The following UBE3C variants were observed in gnomAD, a reference collection of about 807,000 sequenced individuals.
The protein encoded by UBE3C is ubiquitin protein ligase E3C.
UBE3C carries 42 observed loss-of-function variants against 129.4 expected under a neutral mutation model. That is an observed-to-expected ratio of 0.32 (90% CI 0.25 to 0.42). The LOEUF (loss-of-function observed/expected upper bound fraction) is 0.42. UBE3C is among the 10% of genes least tolerant of loss of function. The pLI, the probability that UBE3C is intolerant of heterozygous loss-of-function variation, is 1.00. For synonymous variants in UBE3C, 510 were observed against 492.4 expected (o/e 1.04, Z -0.47); for missense variants, 1,049 against 1,319.1 (o/e 0.80, Z 3.17).
chr7:157,267,856 C>G lies in UBE3C; in HGVS notation c.*101C>G. On this transcript the variant is annotated 3_prime_UTR_variant, in exon 23 of 23. Transcript: ENST00000348165. ...ATACTCACACTGCACGCCTGAGGCT[C>G]TCCTAAGCTCCTTCTTTCATTCTGC... is the stretch of plus-strand genomic sequence containing the variant. 1 of 967,446 alleles carries G rather than the reference C, an allele frequency of 1.0e-6. No homozygotes were observed. Among genetic ancestry groups the G allele is most frequent in the Non-Finnish European group, 1.5e-6 (1 of 683,714 alleles). The allele number at this position is 967,446 out of a possible 1,614,324, so 59.9% of individuals were successfully genotyped here. A position where few individuals can be genotyped will look rare whatever the true frequency, so the allele number is the denominator to read the frequency against.
At chr7:157,216,352 GTTTTT>G (rs11373650) in intron 13 of UBE3C, among the ~76,000 whole-genome samples, 2 of 145,068 alleles carry the variant, frequency 1.4e-5, no homozygotes, top group Admixed American at 1.4e-4. Context: ...AGATTCGTGG[GTTTTT>G]TTTTTTTTAA....
At chr7:157,183,846 TA>T in intron 8 of UBE3C, 31 bp from the exon 9 acceptor site, 1 of 1,585,022 alleles carries the variant, frequency 6.3e-7, no homozygotes, top group Non-Finnish European at 8.6e-7. Flanking sequence ...AATGTTTAAC[TA>T]AAATACGTTT....
intron 1 of UBE3C, among the ~76,000 whole-genome samples, chr7:157,139,740 G>T (rs1807377953): frequency 6.6e-6 from 1 of 152,236 alleles, no homozygotes; most frequent in Non-Finnish European, 1.5e-5. Context: ...TACCCTTTCT[G>T]GGTGTTTCCT....
At chr7:157,176,900 A>G (rs138705497) in intron 5 of UBE3C, among the ~76,000 whole-genome samples, 175 of 152,346 alleles carry the variant, frequency 1.1e-3, no homozygotes, top group African/African-American at 4.0e-3. Flanking sequence ...ATTGTACTTC[A>G]AGTGTATGTT....
chr7:157,223,453 T>C, intron 16 of UBE3C, 102 bp downstream of exon 16: 1 of 972,954 alleles, frequency 1.0e-6, no homozygotes, highest in Non-Finnish European at 1.5e-6. Flanking sequence ...AGTGCCTGGC[T>C]GATTACATAA....
At chr7:157,266,756 A>G (rs1442860951) in intron 22 of UBE3C, among the ~76,000 whole-genome samples, 4 of 152,208 alleles carry the variant, frequency 2.6e-5, no homozygotes, top group Non-Finnish European at 5.9e-5. Flanking sequence ...ATTTTTATAG[A>G]CAGGGTCTCA....
At position 157,261,884 on chromosome 7, in the gene UBE3C, C is replaced by T. The variant is rs568507336; in HGVS notation, c.3081+4840C>T. Reference sequence around the variant, plus strand: ...TTCTCACTCTGAATTAATGCAAATTCCCGTTGTACTGTATTTAATTATGCA... The same window carrying T: ...TTCTCACTCTGAATTAATGCAAATTTCCGTTGTACTGTATTTAATTATGCA... On this transcript the variant is annotated intron_variant, in intron 22 of 22. Coordinates refer to ENST00000348165, the MANE Select transcript of UBE3C (RefSeq NM_014671.3). Among the ~76,000 whole-genome samples, 27 of 152,286 alleles carry T rather than the reference C, an allele frequency of 1.8e-4. 1 individual carries two copies. The South Asian group carries it at 5.6e-3, about 32-fold the overall frequency.
intron 2 of UBE3C, among the ~76,000 whole-genome samples, chr7:157,164,971 A>T (rs1441048215): frequency 2.6e-5 from 4 of 152,130 alleles, no homozygotes; most frequent in Non-Finnish European, 4.4e-5. Flanking sequence ...TTTTGAACAG[A>T]TAATTCTTTG....
At chr7:157,250,179 C>T (rs906180675) in intron 19 of UBE3C, among the ~76,000 whole-genome samples, 7 of 152,098 alleles carry the variant, frequency 4.6e-5, no homozygotes, top group Non-Finnish European at 8.8e-5. Flanking sequence ...GGAGCTCATA[C>T]ACTGTTCTGT....
At chr7:157,192,286 GTTTTC>G in intron 10 of UBE3C, 1 of 410,750 alleles carries the variant, frequency 2.4e-6, no homozygotes, top group South Asian at 2.2e-5. Flanking sequence ...CGTTTTTAAA[GTTTTC>G]TTTTAAGCTT....
At chr7:157,196,698 G>T (rs1361669447) in intron 10 of UBE3C, among the ~76,000 whole-genome samples, 6 of 152,198 alleles carry the variant, frequency 3.9e-5, no homozygotes, top group Admixed American at 3.3e-4. Flanking sequence ...GCCAGGTGCA[G>T]TGGCTCACGC....
chr7:157,201,636 G>GC (rs1241823741), intron 10 of UBE3C, 85 bp from the exon 11 acceptor site: 4 of 516,054 alleles, frequency 7.8e-6, no homozygotes, highest in African/African-American at 3.8e-5. Flanking sequence ...TCAGTGTATC[G>GC]CTTTTTTTTT....
chr7:157,244,463 A>G (rs984479166), intron 18 of UBE3C, among the ~76,000 whole-genome samples: 20 of 152,312 alleles, frequency 1.3e-4, no homozygotes, highest in African/African-American at 4.6e-4. Context: ...AAATAATTAA[A>G]ATTATCTGCT....
chr7:157,216,735 C>T (rs1795584939), intron 13 of UBE3C, 132 bp from the exon 14 acceptor site: 5 of 674,036 alleles, frequency 7.4e-6, no homozygotes, highest in Admixed American at 5.8e-5. Flanking sequence ...TTTCTGTGAG[C>T]GGGTTTGGTG....
rs540924636 is a variant in UBE3C, at chr7:157,267,899, C to T, written c.*144C>T. ...CATTCTGCCATTCCTCCCTCCCTTC[C>T]TTTTTTAAATGATTTTTATTACGGT... On this transcript the variant is annotated 3_prime_UTR_variant, in exon 23 of 23. Coordinates refer to ENST00000348165, the MANE Select transcript of UBE3C (RefSeq NM_014671.3). 3.2e-6 allele frequency: 2 copies of T among 627,108 alleles called. No homozygotes were observed. The highest frequency in any genetic ancestry group is 6.0e-5 in the South Asian group (2 of 33,400). 38.8% of individuals were successfully genotyped at this position (627,108 alleles called of 1,614,324 possible).
chr7:157,216,030 A>G (rs1411202083), intron 13 of UBE3C, among the ~76,000 whole-genome samples: 1 of 152,244 alleles, frequency 6.6e-6, no homozygotes, highest in Non-Finnish European at 1.5e-5. Context: ...ATAATAAAAT[A>G]CTAAGCTGTG....
At chr7:157,147,274 AT>A (rs1049239717) in intron 1 of UBE3C, among the ~76,000 whole-genome samples, 4 of 152,128 alleles carry the variant, frequency 2.6e-5, no homozygotes, top group Non-Finnish European at 5.9e-5. Context: ...CTAAGCGTTT[AT>A]TTTTAAGGGG....
intron 17 of UBE3C, among the ~76,000 whole-genome samples, chr7:157,228,613 C>T (rs545800822): frequency 6.6e-6 from 1 of 152,186 alleles, no homozygotes; most frequent in East Asian, 1.9e-4. Flanking sequence ...CAAGCTGGAG[C>T]CAAATGGCTT....
chr7:157,267,752 C>T lies in UBE3C; in HGVS notation c.3249C>T (p.Ser1083=). Residue 1083 remains serine, a synonymous_variant, in exon 23 of 23, where the codon AGC becomes AGT. Coordinates refer to ENST00000348165, the MANE Select transcript of UBE3C (RefSeq NM_014671.3). ...AIECAAGFEL[S] ...AATGTGCCGCTGGCTTTGAGCTGAG[C>T]TGAAGCTGATGCTGGGGTCAGACCC... 1 of 1,600,462 alleles carries T rather than the reference C, an allele frequency of 6.2e-7. No homozygotes were observed. Among genetic ancestry groups the T allele is most frequent in the Non-Finnish European group, 8.5e-7 (1 of 1,173,402 alleles).
Sources: allele counts gnomAD v4.1 joint callset (sites outside exome capture counted in the v4.1 genomes callset), GRCh38; gene constraint gnomAD v4.1.1; transcripts MANE v1.5; gene names NCBI Gene and HGNC (gene_info 2026-07-23, HGNC 2026-07-21).